Variants in ATRN observed in about 807,000 individuals in gnomAD.
ATRN encodes the protein attractin.
In ATRN, 54 loss-of-function variants were observed where a neutral mutation model predicts 178.7. The ratio of observed to expected loss-of-function variants is 0.30; its 90% CI spans 0.24 to 0.38. The LOEUF (loss-of-function observed/expected upper bound fraction) is 0.38. ATRN is among the 10% of genes least tolerant of loss of function. The pLI is 1.00. For synonymous variants in ATRN, 636 were observed against 663.0 expected (o/e 0.96, Z 0.63); for missense variants, 1,443 against 1,815.1 (o/e 0.79, Z 3.73).
intron 1 of ATRN, among the ~76,000 whole-genome samples, chr20:3,489,364 T>C (rs914419797): frequency 1.3e-5 from 2 of 152,204 alleles, no homozygotes; most frequent in African/African-American, 4.8e-5. Context: ...ATAAAACACA[T>C]CTCAGCCCTG....
intron 2 of ATRN, among the ~76,000 whole-genome samples, chr20:3,539,345 T>G (rs936611924): frequency 6.6e-6 from 1 of 152,156 alleles, no homozygotes; most frequent in African/African-American, 2.4e-5. Context: ...GGCAGGTATT[T>G]GGTAGAGGGA....
At chr20:3,603,954 A>T in intron 23 of ATRN, 151 bp from the exon 24 acceptor site, 1 of 598,170 alleles carries the variant, frequency 1.7e-6, no homozygotes, top group South Asian at 3.3e-5. Context: ...AGCTGTGAGG[A>T]TTAAATGAGA....
chr20:3,635,254 T>C (rs1265348257), intron 26 of ATRN, among the ~76,000 whole-genome samples: 1 of 151,580 alleles, frequency 6.6e-6, no homozygotes, highest in Non-Finnish European at 1.5e-5. Context: ...ATACATCGGG[T>C]ACAGTGTACA....
intron 1 of ATRN, 86 bp from the exon 2 acceptor site, chr20:3,535,167 T>C (rs2085508601): frequency 4.1e-6 from 2 of 485,754 alleles, no homozygotes; most frequent in East Asian, 1.5e-4. Flanking sequence ...TTAAGAAATA[T>C]TAATATATGA....
intron 18 of ATRN, among the ~76,000 whole-genome samples, chr20:3,587,106 A>G (rs2146265235): frequency 6.6e-6 from 1 of 152,290 alleles, no homozygotes; most frequent in South Asian, 2.1e-4. Flanking sequence ...TTGAGTTGTA[A>G]GAGTTCTTTA....
At chr20:3,498,540 A>G (rs1414143824) in intron 1 of ATRN, among the ~76,000 whole-genome samples, 2 of 152,022 alleles carry the variant, frequency 1.3e-5, no homozygotes, top group African/African-American at 2.4e-5. Context: ...ACGCAAATCA[A>G]TAAATGTAAT....
rs1187398851 is a variant in ATRN, at chr20:3,644,257, C to T, written c.4154C>T (p.Pro1385Leu). The T allele has an allele frequency of 6.8e-6, 11 of 1,613,242 alleles. No homozygotes were observed. Among genetic ancestry groups the T allele is most frequent in the Non-Finnish European group, 8.5e-6 (10 of 1,179,298 alleles). Reference protein sequence around the residue: ...LPRGLGGIPPPGQSGLAVASA... With the variant: ...LPRGLGGIPPLGQSGLAVASA... ...CGAGGCCTGGGTGGCATCCCTCCTC[C>T]TGGGCAGTCAGGTGAGTAGATGCGG... The change falls in exon 28 of 29, where the codon CCT becomes CTT. Residue 1385 changes from proline to leucine, a missense_variant. Transcript: ENST00000262919.
At position 3,601,025 on chromosome 20, in the gene ATRN, G is replaced by T; in HGVS notation, c.3643+1G>T. 6.2e-7 allele frequency: 1 copy of T among 1,608,642 alleles called. No individual in the cohort carries two copies. The highest frequency in any genetic ancestry group is 8.5e-7 in the Non-Finnish European group (1 of 1,175,230). On this transcript the variant is annotated splice_donor_variant, in intron 23 of 28. Coordinates refer to ENST00000262919, the MANE Select transcript of ATRN (RefSeq NM_139321.3). LOFTEE classifies it high-confidence loss of function. ...ATCACCTGGGCTGCCAGTTTCTCAG[G>T]TAAAGACATACCTAGAGAAGACCCC...
intron 1 of ATRN, among the ~76,000 whole-genome samples, chr20:3,514,298 G>C (rs1287058108): frequency 3.3e-5 from 5 of 152,074 alleles, no homozygotes; most frequent in Admixed American, 6.6e-5. Flanking sequence ...AACTATTATA[G>C]GTATTTCACC....
At chr20:3,585,078 T>A (rs1049241109) in intron 18 of ATRN, among the ~76,000 whole-genome samples, 198 bp downstream of exon 18, 1 of 152,202 alleles carries the variant, frequency 6.6e-6, no homozygotes, top group Non-Finnish European at 1.5e-5. Context: ...GGTGGGTTCC[T>A]AAGAAACCAA....
chr20:3,546,414 C>T lies in ATRN; in HGVS notation c.737+524C>T, dbSNP rs415588. 4.5e-3 allele frequency among the ~76,000 whole-genome samples: 522 copies of T among 114,812 alleles called. 1 individual carries two copies. Among genetic ancestry groups the T allele is most frequent in the Middle Eastern group, 0.028 (4 of 142 alleles). The allele number at this position is 114,812 out of a possible 152,430, so 75.3% of individuals were successfully genotyped here. A position where few individuals can be genotyped will look rare whatever the true frequency, so the allele number is the denominator to read the frequency against. ...GTTTTTTTTTTTTTTTTTTTTGAGA[C>T]GGAGTCTCACTCTGTCACCTGGGCT... On this transcript the variant is annotated intron_variant, in intron 4 of 28. Transcript: ENST00000262919.
chr20:3,548,956 G>C (rs1359067186), intron 5 of ATRN, among the ~76,000 whole-genome samples: 1 of 152,006 alleles, frequency 6.6e-6, no homozygotes, highest in African/African-American at 2.4e-5. Flanking sequence ...ACCCTAACCT[G>C]GATATAGTCA....
In ATRN at chr20:3,471,323, G is replaced by C; in HGVS notation, c.216G>C (p.Leu72=). The C allele has an allele frequency of 8.1e-6, 12 of 1,483,274 alleles. No homozygotes were observed. The highest frequency in any genetic ancestry group is 1.1e-5 in the Non-Finnish European group (12 of 1,125,720). 91.9% of individuals were successfully genotyped at this position (1,483,274 alleles called of 1,614,324 possible). A position where few individuals can be genotyped will look rare whatever the true frequency, so the allele number is the denominator to read the frequency against. ...TGCTGTTGTTGCTCTCGCCGCCGCT[G>C]CTGCTGCTGCTGCTGCCCTGTGAGG... The part of the protein sequence containing the change: ...LLLLLLLSPP[L]LLLLLPCEAE... Residue 72 remains leucine, a synonymous_variant, in exon 1 of 29, where the codon CTG becomes CTC. Coordinates refer to ENST00000262919, the MANE Select transcript of ATRN (RefSeq NM_139321.3).
In ATRN at chr20:3,566,189, G is replaced by A. The variant is rs531838766; in HGVS notation, c.1871+757G>A. Among the ~76,000 whole-genome samples, 413 of 152,166 alleles carry A rather than the reference G, an allele frequency of 2.7e-3. 2 individuals are homozygous for A. The highest frequency in any genetic ancestry group is 5.0e-3 in the Non-Finnish European group (337 of 68,034). On this transcript the variant is annotated intron_variant, in intron 11 of 28. Coordinates refer to ENST00000262919, the MANE Select transcript of ATRN (RefSeq NM_139321.3). Reference sequence around the variant, plus strand: ...GGGGATAAGGTAGGAGAACAGAGGTGGAGAGATTGTGAAGTTTAATATAGC... The same window carrying A: ...GGGGATAAGGTAGGAGAACAGAGGTAGAGAGATTGTGAAGTTTAATATAGC...
At chr20:3,498,642 C>T (rs987866622) in intron 1 of ATRN, among the ~76,000 whole-genome samples, 1 of 152,146 alleles carries the variant, frequency 6.6e-6, no homozygotes, top group African/African-American at 2.4e-5. Flanking sequence ...GCTCTTCATG[C>T]TAAAAACTCT....
Position 3,486,511 on chromosome 20 carries a change from G to A in ATRN, c.410+14994G>A, listed in dbSNP as rs138273721. On this transcript the variant is annotated intron_variant, in intron 1 of 28. Transcript: ENST00000262919. ...CAACCTCTGTTTCCCGAGTTCAAGC[G>A]ATTCTGGTGCTTCACCTTCCTGAGT... Among the ~76,000 whole-genome samples the A allele has an allele frequency of 5.0e-3, 756 of 152,124 alleles. 7 individuals are homozygous for A. The highest frequency in any genetic ancestry group is 0.017 in the African/African-American group (711 of 41,486).
intron 3 of ATRN, 28 bp downstream of exon 3, chr20:3,540,363 C>CAAAA: frequency 7.2e-7 from 1 of 1,391,262 alleles, no homozygotes; most frequent in Non-Finnish European, 1.0e-6. Context: ...AGCCTTCTTT[C>CAAAA]ATCGTTTGAT....
rs755585176 is a variant in ATRN, at chr20:3,565,377, C to A, written c.1816C>A (p.Pro606Thr). The change falls in exon 11 of 29, where the codon CCT becomes ACT. Residue 606 changes from proline to threonine, a missense_variant. By Grantham distance (38) the Pro-to-Thr change is conservative (BLOSUM62 -1). Transcript: ENST00000262919. The stretch of plus-strand genomic sequence containing the variant: ...TGACCGCTGGTCAGTGCTTCCCAGA[C>A]CTGATCTCCACCATGATGTCAACAG... ...ACDRWSVLPR[P>T]DLHHDVNRFG... The A allele has an allele frequency of 1.2e-6, 2 of 1,614,092 alleles. No homozygotes were observed. The highest frequency in any genetic ancestry group is 2.2e-5 in the East Asian group (1 of 44,882).
At chr20:3,487,433 A>T (rs996776181) in intron 1 of ATRN, among the ~76,000 whole-genome samples, 3 of 152,064 alleles carry the variant, frequency 2.0e-5, no homozygotes, top group Non-Finnish European at 2.9e-5. Context: ...GGGTTTCACC[A>T]TCTTGGCCAG....
Sources: gnomAD v4.1 joint callset for allele counts (sites outside exome capture counted in the v4.1 genomes callset) on GRCh38, gnomAD v4.1.1 for gene constraint, MANE v1.5 for transcripts, NCBI Gene and HGNC (gene_info 2026-07-23, HGNC 2026-07-21) for gene names.